Variants in TRRAP observed in about 807,000 individuals in gnomAD.
TRRAP encodes the protein transformation/transcription domain associated protein.
A neutral mutation model predicts 438.8 loss-of-function variants in TRRAP; 41 were observed. That is an observed-to-expected ratio of 0.09 (90% CI 0.07 to 0.12). TRRAP has a LOEUF of 0.12. Ranked by LOEUF, TRRAP falls within the 10% of genes least tolerant of loss-of-function variation. TRRAP has a pLI of 1.00. For synonymous variants in TRRAP, 1,994 were observed against 1,962.9 expected, an observed-to-expected ratio of 1.02 and a Z score of -0.42; for missense variants, 3,122 against 5,055.1, an observed-to-expected ratio of 0.62 and a Z score of 11.60.
At chr7:98,983,717 G>T (rs1211249145) in intron 60 of TRRAP, among the ~76,000 whole-genome samples, 2 of 152,114 alleles carry the variant, frequency 1.3e-5, no homozygotes, top group African/African-American at 4.8e-5. Flanking sequence ...AGGCCGGGGG[G>T]ATCAATGCTC....
intron 63 of TRRAP, 126 bp from the exon 64 acceptor site, chr7:98,990,329 T>C: frequency 1.1e-6 from 1 of 937,472 alleles, no homozygotes; most frequent in Admixed American, 2.5e-5. Context: ...TTGGCCTGCT[T>C]ATAGATACTT....
In TRRAP at chr7:98,937,836, T is replaced by G. The variant is rs782745401; in HGVS notation, c.4404+16T>G. On this transcript the variant is annotated intron_variant, in intron 30 of 72. Coordinates refer to ENST00000456197, the MANE Select transcript of TRRAP (RefSeq NM_001375524.1). The stretch of plus-strand genomic sequence containing the variant: ...TCAGATGATGGTAAGCCAAATGCAT[T>G]TAAACGCTCTGTAACAAACTTTCAA... 6.3e-7 allele frequency: 1 copy of G among 1,598,102 alleles called. No individual in the cohort carries two copies. The highest frequency in any genetic ancestry group is 1.4e-5 in the African/African-American group (1 of 74,036).
chr7:99,004,451 C>T (rs775265096), intron 68 of TRRAP, 36 bp downstream of exon 68: 120 of 1,586,454 alleles, frequency 7.6e-5, no homozygotes, highest in East Asian at 5.6e-4. Flanking sequence ...AACTAACCCA[C>T]GGCGCCCATG....
chr7:98,955,016 A>G, intron 40 of TRRAP, 82 bp from the exon 41 acceptor site: 1 of 1,412,310 alleles, frequency 7.1e-7, no homozygotes, highest in Non-Finnish European at 9.7e-7. Flanking sequence ...GAAAAGTAGC[A>G]TGTCTTGACA....
chr7:98,950,080 A>G lies in TRRAP; in HGVS notation c.5152A>G (p.Ile1718Val), dbSNP rs1791264236. 3 of 1,614,260 alleles carry G rather than the reference A, an allele frequency of 1.9e-6. No homozygotes were observed. Among genetic ancestry groups the G allele is most frequent in the Non-Finnish European group, 2.5e-6 (3 of 1,180,048 alleles). Residue 1718 changes from isoleucine (I) to valine (V), a missense_variant, in exon 38 of 73, where the codon ATA becomes GTA. Transcript: ENST00000456197. The part of the protein sequence containing the change: ...LNYCKRNYGD[I>V]ELLFQLLRAF... ...ACCCTCCAGAAGGAATTACGGAGATATAGAATTGCTGTTCCAGCTGCTCCG... is the reference window on the plus strand; with the variant it reads ...ACCCTCCAGAAGGAATTACGGAGATGTAGAATTGCTGTTCCAGCTGCTCCG...
intron 45 of TRRAP, 71 bp downstream of exon 45, chr7:98,959,561 G>A: frequency 6.4e-7 from 1 of 1,560,198 alleles, no homozygotes; most frequent in Non-Finnish European, 8.7e-7. Context: ...ACCTGGGCAG[G>A]GACTGGACAT....
Position 98,949,516 on chromosome 7 carries a change from G to C in TRRAP, c.4888G>C (p.Ala1630Pro). 2 of 1,608,850 alleles carry C rather than the reference G, an allele frequency of 1.2e-6. No homozygotes were observed. Among genetic ancestry groups the C allele is most frequent in the Non-Finnish European group, 1.7e-6 (2 of 1,177,972 alleles). Residue 1630 changes from alanine to proline, a missense_variant, in exon 36 of 73, where the codon GCT becomes CCT. This residue lies in a region of TRRAP where 272 missense variants were observed against 348.5 expected (regional missense o/e 0.78). Transcript: ENST00000456197. The part of the protein sequence containing the change: ...TLLLPGGAQT[A>P]VRPGSPSTST... ...GCTGCTGCCGGGGGGTGCCCAGACG[G>C]CTGTGCGCCCCGGTTCGCCCAGCAC...
chr7:98,901,111 C>T (rs1162877300), intron 11 of TRRAP, among the ~76,000 whole-genome samples: 1 of 152,174 alleles, frequency 6.6e-6, no homozygotes, highest in Non-Finnish European at 1.5e-5. Flanking sequence ...TGCTTGGCAG[C>T]CTTAACAAAA....
intron 30 of TRRAP, among the ~76,000 whole-genome samples, chr7:98,942,217 C>A (rs1168570237): frequency 6.6e-6 from 1 of 152,214 alleles, no homozygotes; most frequent in Non-Finnish European, 1.5e-5. Context: ...GCATGGCCCT[C>A]ATTCTGCAGA....
At chr7:98,886,232 G>A (rs1795687399) in intron 3 of TRRAP, among the ~76,000 whole-genome samples, 1 of 152,178 alleles carries the variant, frequency 6.6e-6, no homozygotes, top group African/African-American at 2.4e-5. Flanking sequence ...AGAGGTTGCA[G>A]TGAGCGGAGA....
At chr7:98,985,159 G>C in intron 62 of TRRAP, 115 bp downstream of exon 62, 1 of 724,816 alleles carries the variant, frequency 1.4e-6, no homozygotes, top group Admixed American at 2.7e-5. Flanking sequence ...TTTGGTGACA[G>C]TCATTAGGTA....
intron 28 of TRRAP, among the ~76,000 whole-genome samples, chr7:98,935,994 A>G (rs1790535620): frequency 6.6e-6 from 1 of 152,218 alleles, no homozygotes; most frequent in South Asian, 2.1e-4. Context: ...ATATATAGTA[A>G]GGGACATGAC....
intron 22 of TRRAP, among the ~76,000 whole-genome samples, chr7:98,926,144 C>G (rs1459640683): frequency 3.3e-5 from 5 of 151,928 alleles, no homozygotes; most frequent in Admixed American, 2.0e-4. Flanking sequence ...ATGGAAAATT[C>G]AAGAGAGAGT....
intron 31 of TRRAP, among the ~76,000 whole-genome samples, chr7:98,943,843 G>A (rs1273968648): frequency 6.6e-6 from 1 of 152,156 alleles, no homozygotes; most frequent in Non-Finnish European, 1.5e-5. Context: ...GTTCTTCAGA[G>A]GCATAATTAA....
chr7:98,933,340 T>G lies in TRRAP; in HGVS notation c.3952T>G (p.Leu1318Val), dbSNP rs895236585. ...LMEGNTFCTT[L>V]QPRLFTMDLN... ...GGAGGGGAACACGTTCTGTACCACGTTGCAGCCCAGGCTCTTCACAATGGA... is the reference window on the plus strand; with the variant it reads ...GGAGGGGAACACGTTCTGTACCACGGTGCAGCCCAGGCTCTTCACAATGGA... The change falls in exon 27 of 73, where the codon TTG becomes GTG. Residue 1318 changes from leucine to valine, a missense_variant. Around this residue, in one of 24 missense-constraint regions of TRRAP, gnomAD observed 84 missense variants for 119.8 expected, o/e 0.70. Transcript: ENST00000456197. 2 of 1,614,188 alleles carry G rather than the reference T, an allele frequency of 1.2e-6. No individual in the cohort carries two copies. Among genetic ancestry groups the G allele is most frequent in the Non-Finnish European group, 1.7e-6 (2 of 1,180,038 alleles).
chr7:98,967,360 A>T, intron 50 of TRRAP, 125 bp from the exon 51 acceptor site: 1 of 1,308,000 alleles, frequency 7.6e-7, no homozygotes. Context: ...GCCACGATTT[A>T]TAACATACTC....
intron 48 of TRRAP, 110 bp downstream of exon 48, chr7:98,964,885 C>T: frequency 7.5e-7 from 1 of 1,334,950 alleles, no homozygotes; most frequent in South Asian, 1.7e-5. Context: ...TCACCAAGTC[C>T]TGTTGTTTGG....
chr7:98,908,820 C>T lies in TRRAP; in HGVS notation c.1208C>T (p.Ala403Val), dbSNP rs1554407974. The change falls in exon 14 of 73, where the codon GCC becomes GTC. Residue 403 changes from alanine to valine, a missense_variant. Coordinates refer to ENST00000456197, the MANE Select transcript of TRRAP (RefSeq NM_001375524.1). This position sits in a 1 kb window ranked among gnomAD's most constrained non-coding sequence, Gnocchi z 4.1. ...SDLSLAVQLF[A>V]KNIDDESLPS... ...CTCTCCCTCGCCGTCCAGCTCTTCG[C>T]CAAGAACATCGACGATGAGTCCCTG... The T allele has an allele frequency of 6.2e-7, 1 of 1,611,624 alleles. No individual in the cohort carries two copies. The highest frequency in any genetic ancestry group is 1.1e-5 in the South Asian group (1 of 90,426).
At chr7:98,910,969 A>C in intron 16 of TRRAP, 108 bp from the exon 17 acceptor site, 3 of 902,556 alleles carry the variant, frequency 3.3e-6, no homozygotes, top group East Asian at 2.8e-5. Context: ...TTTGTTATCT[A>C]ATTTAAGTGC....
Sources: gnomAD v4.1 joint callset for allele counts (sites outside exome capture counted in the v4.1 genomes callset) on GRCh38, gnomAD v4.1.1 for gene constraint, gnomAD v4.1.1 regional missense constraint, Gnocchi (gnomAD v3.1) non-coding constraint, MANE v1.5 for transcripts, NCBI Gene and HGNC (gene_info 2026-07-23, HGNC 2026-07-21) for gene names.